Variants in PHKB observed in about 807,000 individuals in gnomAD.
PHKB encodes the protein phosphorylase b kinase regulatory subunit beta.
A neutral mutation model predicts 152.1 loss-of-function variants in PHKB; 122 were observed. That is an observed-to-expected ratio of 0.80 (90% CI 0.69 to 0.93). PHKB has a LOEUF of 0.93. PHKB is among the 40% of genes least tolerant of loss of function. PHKB has a pLI of 0.00. For synonymous variants in PHKB, 436 were observed against 464.9 expected, an observed-to-expected ratio of 0.94 and a Z score of 0.80; for missense variants, 1,304 against 1,328.4, an observed-to-expected ratio of 0.98 and a Z score of 0.29.
At chr16:47,490,442 A>G (rs535171103) in intron 1 of PHKB, among the ~76,000 whole-genome samples, 3 of 152,334 alleles carry the variant, frequency 2.0e-5, no homozygotes, top group Admixed American at 6.5e-5. Context: ...AATTCCATAC[A>G]GTTTTGGAGC....
chr16:47,484,713 T>C (rs1970021114), intron 1 of PHKB, among the ~76,000 whole-genome samples: 1 of 152,220 alleles, frequency 6.6e-6, no homozygotes, highest in Non-Finnish European at 1.5e-5. Flanking sequence ...CCATTGTCAT[T>C]TATTTATCTA....
At chr16:47,664,711 A>G in intron 24 of PHKB, 174 bp from the exon 25 acceptor site, 1 of 633,726 alleles carries the variant, frequency 1.6e-6, no homozygotes. Flanking sequence ...TGTGGTCTGT[A>G]GTCTTATTTT....
chr16:47,690,658 T>C (rs1396594297), intron 27 of PHKB, among the ~76,000 whole-genome samples: 1 of 152,152 alleles, frequency 6.6e-6, no homozygotes, highest in East Asian at 1.9e-4. Context: ...ATTCCAATTA[T>C]AAGTGTAGAT....
chr16:47,672,546 G>A (rs1186563967), intron 26 of PHKB, among the ~76,000 whole-genome samples: 1 of 152,114 alleles, frequency 6.6e-6, no homozygotes, highest in East Asian at 1.9e-4. Context: ...TAAGTGTTCA[G>A]GGAGCCTTTT....
chr16:47,568,438 C>CT (rs1353202526), intron 7 of PHKB, among the ~76,000 whole-genome samples: 2 of 152,058 alleles, frequency 1.3e-5, no homozygotes, highest in Non-Finnish European at 2.9e-5. Flanking sequence ...TCTTGATTAG[C>CT]TAGTGGTCTG....
chr16:47,635,328 A>G (rs34111890), intron 14 of PHKB, among the ~76,000 whole-genome samples: 5 of 152,186 alleles, frequency 3.3e-5, no homozygotes, highest in Non-Finnish European at 7.3e-5. Context: ...AGATGAGAAT[A>G]ATTATAGTAA....
At chr16:47,523,324 T>A (rs1418260750) in intron 6 of PHKB, among the ~76,000 whole-genome samples, 2 of 152,246 alleles carry the variant, frequency 1.3e-5, no homozygotes, top group East Asian at 3.8e-4. Context: ...CCTGTTTGTT[T>A]AGCATCTTTC....
chr16:47,604,033 CATTAAATATTCCT>C (rs1208802041), intron 13 of PHKB, among the ~76,000 whole-genome samples: 1 of 152,170 alleles, frequency 6.6e-6, no homozygotes, highest in East Asian at 1.9e-4. Context: ...ACCTCTGTGG[CATTAAATATTCCT>C]ATTAAAAGCA....
At chr16:47,536,771 A>G (rs572687220) in intron 6 of PHKB, among the ~76,000 whole-genome samples, 3 of 152,354 alleles carry the variant, frequency 2.0e-5, no homozygotes, top group African/African-American at 2.4e-5. Flanking sequence ...AGAATTGCAA[A>G]TAAGAGATGG....
intron 1 of PHKB, among the ~76,000 whole-genome samples, chr16:47,473,482 C>T (rs1483103664): frequency 6.6e-6 from 1 of 151,748 alleles, no homozygotes; most frequent in Non-Finnish European, 1.5e-5. Flanking sequence ...ACAATTGTTG[C>T]TGTTTTTTAT....
intron 26 of PHKB, among the ~76,000 whole-genome samples, chr16:47,683,417 T>C (rs749720342): frequency 3.7e-4 from 57 of 152,232 alleles, no homozygotes; most frequent in Non-Finnish European, 6.5e-4. Context: ...TCCACCCATT[T>C]GGAGCTTCCT....
At chr16:47,670,059 C>G (rs1973612144) in intron 26 of PHKB, among the ~76,000 whole-genome samples, 1 of 152,200 alleles carries the variant, frequency 6.6e-6, no homozygotes, top group Non-Finnish European at 1.5e-5. Context: ...TCTCTAGCCT[C>G]ACTTTAATAC....
intron 1 of PHKB, among the ~76,000 whole-genome samples, chr16:47,483,925 A>C (rs1189399018): frequency 6.6e-6 from 1 of 152,224 alleles, no homozygotes; most frequent in Admixed American, 6.5e-5. Context: ...ACTTTGGTGA[A>C]TAAAACAATT....
chr16:47,693,037 A>G (rs1271057261), intron 27 of PHKB, among the ~76,000 whole-genome samples: 1 of 152,190 alleles, frequency 6.6e-6, no homozygotes, highest in Non-Finnish European at 1.5e-5. Context: ...TGAAAACAAC[A>G]TCAAGTTATT....
intron 6 of PHKB, among the ~76,000 whole-genome samples, chr16:47,541,930 CT>C (rs1475218995): frequency 2.0e-5 from 3 of 151,946 alleles, no homozygotes; most frequent in Non-Finnish European, 2.9e-5. Flanking sequence ...CAAAATTTTT[CT>C]CCCATTCTGT....
intron 5 of PHKB, among the ~76,000 whole-genome samples, chr16:47,512,610 TTATATAA>T (rs1417832226): frequency 2.0e-5 from 3 of 152,202 alleles, no homozygotes; most frequent in East Asian, 1.9e-4. Flanking sequence ...AAATTTTGTC[TTATATAA>T]TATATTAAAT....
chr16:47,477,009 A>C (rs1969880468), intron 1 of PHKB, among the ~76,000 whole-genome samples: 1 of 152,104 alleles, frequency 6.6e-6, no homozygotes, highest in Admixed American at 6.5e-5. Context: ...CAGGAGGGTC[A>C]CTCTCTTTCT....
intron 4 of PHKB, among the ~76,000 whole-genome samples, chr16:47,507,213 A>C (rs943094107): frequency 5.9e-5 from 9 of 152,122 alleles, no homozygotes; most frequent in African/African-American, 1.9e-4. Flanking sequence ...GGGCTCAAGC[A>C]ATCCTTCCAC....
In PHKB at chr16:47,700,711, G is replaced by T. The variant is rs1017278313; in HGVS notation, c.*1345G>T. On this transcript the variant is annotated 3_prime_UTR_variant, in exon 31 of 31. Coordinates refer to ENST00000323584, the MANE Select transcript of PHKB (RefSeq NM_000293.3). ...AGTTTGAGCCCTTGCCCCAAAGAGA[G>T]TTGTTTTTCTGATCAATCTTACTGG... The T allele has an allele frequency of 7.2e-5, 11 of 152,080 alleles. No individual in the cohort carries two copies. The East Asian group carries it at 1.9e-3, about 27-fold the overall frequency. 9.4% of individuals were successfully genotyped at this position (152,080 alleles called of 1,614,324 possible).
Sources: allele counts gnomAD v4.1 joint callset (sites outside exome capture counted in the v4.1 genomes callset), GRCh38; gene constraint gnomAD v4.1.1; transcripts MANE v1.5; gene names NCBI Gene and HGNC (gene_info 2026-07-23, HGNC 2026-07-21).